The following MYOM2 variants were observed in gnomAD, a reference collection of about 807,000 sequenced individuals.
MYOM2 encodes myomesin-2.
In MYOM2, 254 loss-of-function variants were observed where a neutral mutation model predicts 187.6. The ratio of observed to expected loss-of-function variants is 1.35; its 90% confidence interval spans 1.22 to 1.50. The LOEUF is 1.50. Among genes scored for constraint, MYOM2 ranks in the 40% most tolerant of loss-of-function variants. The pLI is 0.00. For missense variants in MYOM2, 2,796 were observed against 1,924.0 expected, an observed-to-expected ratio of 1.45 and a Z score of -8.48; for synonymous variants, 981 against 753.8, an observed-to-expected ratio of 1.30 and a Z score of -4.94.
chr8:2,073,531 C>A (rs199952196), intron 10 of MYOM2, 31 bp downstream of exon 10: 1 of 1,560,634 alleles, frequency 6.4e-7, no homozygotes. Context: ...AGGGTGCAGA[C>A]CTTGTGTGTG....
intron 25 of MYOM2, among the ~76,000 whole-genome samples, chr8:2,112,314 TTGAAGAGGCTGAAG>T (rs1797093501): frequency 6.7e-6 from 1 of 149,738 alleles, no homozygotes; most frequent in African/African-American, 2.5e-5. Flanking sequence ...AGGCAGAGAG[TTGAAGAGGCTGAAG>T]TAGTCAGGAA....
chr8:2,060,003 A>T (rs577647283), intron 6 of MYOM2, among the ~76,000 whole-genome samples: 6 of 152,146 alleles, frequency 3.9e-5, no homozygotes, highest in Non-Finnish European at 8.8e-5. Context: ...CGGTCTCCCA[A>T]AGTGCTGGGA....
chr8:2,068,232 T>C (rs1232777593), intron 6 of MYOM2, among the ~76,000 whole-genome samples: 144 of 121,768 alleles, frequency 1.2e-3, no homozygotes, highest in Middle Eastern at 6.0e-3. Context: ...GTGCACCAGG[T>C]GGAGAGCATC....
At chr8:2,092,625 G>T in intron 16 of MYOM2, 105 bp downstream of exon 16, 1 of 1,227,702 alleles carries the variant, frequency 8.1e-7, no homozygotes. Flanking sequence ...CAAGGCTTCT[G>T]CGTAAATGAG....
At position 2,065,201 on chromosome 8, in the gene MYOM2, A is replaced by G. The variant is rs566953356; in HGVS notation, c.654-4077A>G. Among the ~76,000 whole-genome samples the G allele has an allele frequency of 4.6e-5, 7 of 152,318 alleles. No individual in the cohort carries two copies. In the South Asian group the frequency reaches 1.2e-3, roughly 27 times the overall value. ...AATGTGTTTATTATATAGTCAGTAG[A>G]TAAGAATGATCGGGCTGGTCTCATG... On this transcript the variant is annotated intron_variant, in intron 6 of 36. Coordinates refer to ENST00000262113, the MANE Select transcript of MYOM2 (RefSeq NM_003970.4).
intron 6 of MYOM2, among the ~76,000 whole-genome samples, chr8:2,061,003 C>G (rs1241885651): frequency 6.6e-6 from 1 of 152,048 alleles, no homozygotes; most frequent in Non-Finnish European, 1.5e-5. Flanking sequence ...CAGCAGGGTT[C>G]TGGCTGAAGG....
chr8:2,045,454 G>C (rs1356165118), intron 1 of MYOM2, among the ~76,000 whole-genome samples: 1 of 152,198 alleles, frequency 6.6e-6, no homozygotes, highest in Non-Finnish European at 1.5e-5. Flanking sequence ...TTTAGCCCTG[G>C]TCTCATCGTG....
intron 6 of MYOM2, among the ~76,000 whole-genome samples, chr8:2,063,517 T>C (rs73547562): frequency 0.056 from 8,576 of 152,326 alleles, 746 homozygotes; most frequent in African/African-American, 0.19. Context: ...CTCATATTTT[T>C]ATGAAAGTAT....
At chr8:2,115,695 G>C (rs1797217054) in intron 25 of MYOM2, among the ~76,000 whole-genome samples, 1 of 152,146 alleles carries the variant, frequency 6.6e-6, no homozygotes, top group Non-Finnish European at 1.5e-5. Flanking sequence ...ACTCATTCTT[G>C]GGTAGGTGTG....
chr8:2,107,281 C>T (rs1585918711), intron 23 of MYOM2, among the ~76,000 whole-genome samples: 1 of 152,102 alleles, frequency 6.6e-6, no homozygotes, highest in Non-Finnish European at 1.5e-5. Flanking sequence ...GGCAGTGGTG[C>T]AGCGTGAACT....
In MYOM2 at chr8:2,109,432, TG is replaced by T. The variant is rs1398441748; in HGVS notation, c.3082del (p.Asp1028IlefsTer49). On this transcript the variant is annotated frameshift_variant, in exon 25 of 37. Coordinates refer to ENST00000262113, the MANE Select transcript of MYOM2 (RefSeq NM_003970.4). LOFTEE classifies it high-confidence loss of function. ...AATCGGAATTAGCTTATGAGATTTT[TG>T]ATAAGGGGCGGGTTCGCTTCTGGCT... is the stretch of plus-strand genomic sequence containing the variant. ...LKSELAYEIF[D>X]KGRVRFWLQA... The T allele has an allele frequency of 1.9e-6, 3 of 1,611,152 alleles. No individual in the cohort carries two copies. Among genetic ancestry groups the T allele is most frequent in the Non-Finnish European group, 2.5e-6 (3 of 1,178,964 alleles).
At chr8:2,048,548 C>T (rs779833858) in intron 1 of MYOM2, among the ~76,000 whole-genome samples, 1 of 149,448 alleles carries the variant, frequency 6.7e-6, no homozygotes, top group Non-Finnish European at 1.5e-5. Context: ...GAGACAGCAA[C>T]CGATTTCGGT....
chr8:2,060,422 T>G (rs931989060), intron 6 of MYOM2, among the ~76,000 whole-genome samples: 1 of 152,154 alleles, frequency 6.6e-6, no homozygotes, highest in Non-Finnish European at 1.5e-5. Context: ...TATATGTTTA[T>G]ATATATAACG....
chr8:2,094,527 C>A (rs994417624), intron 17 of MYOM2, among the ~76,000 whole-genome samples: 1 of 152,162 alleles, frequency 6.6e-6, no homozygotes, highest in African/African-American at 2.4e-5. Flanking sequence ...TGGCGGGCGC[C>A]TGTAGTCCCA....
intron 28 of MYOM2, among the ~76,000 whole-genome samples, chr8:2,120,705 A>ATAATATATATG (rs1797421349): frequency 8.4e-6 from 1 of 119,676 alleles, no homozygotes; most frequent in Non-Finnish European, 1.7e-5. Flanking sequence ...TAATATATAT[A>ATAATATATATG]TTTTAATTGC....
At chr8:2,077,242 G>A (rs1484399908) in intron 11 of MYOM2, among the ~76,000 whole-genome samples, 3 of 151,980 alleles carry the variant, frequency 2.0e-5, no homozygotes, top group Admixed American at 6.6e-5. Context: ...CCAGGGAGGC[G>A]GTGGTTGCAG....
chr8:2,103,442 TG>T (rs1184094381), intron 21 of MYOM2, among the ~76,000 whole-genome samples: 4 of 150,258 alleles, frequency 2.7e-5, no homozygotes, highest in African/African-American at 9.8e-5. Flanking sequence ...GATAAATGAG[TG>T]GGAGAGTGTG....
Position 2,090,209 on chromosome 8 carries a change from G to C in MYOM2, c.1828+18G>C. ...TGTGACCGGTGAGCTGTCACACTGG[G>C]TGGCCCCAAGTCAGGATGGACTAAG... On this transcript the variant is annotated intron_variant, in intron 15 of 36. Coordinates refer to ENST00000262113, the MANE Select transcript of MYOM2 (RefSeq NM_003970.4). 6.2e-7 allele frequency: 1 copy of C among 1,606,466 alleles called. No homozygotes were observed.
intron 21 of MYOM2, among the ~76,000 whole-genome samples, chr8:2,105,687 A>T (rs1287050292): frequency 6.6e-6 from 1 of 152,156 alleles, no homozygotes. Context: ...ATTAAAAAAA[A>T]TTAGCAACAA....
Sources: allele counts gnomAD v4.1 joint callset (sites outside exome capture counted in the v4.1 genomes callset), GRCh38; gene constraint gnomAD v4.1.1; transcripts MANE v1.5; gene names NCBI Gene and HGNC (gene_info 2026-07-23, HGNC 2026-07-21).